Variants in INPP5D observed in about 807,000 individuals in gnomAD.
INPP5D encodes the protein inositol polyphosphate-5-phosphatase D.
Under a neutral mutation model 122.9 loss-of-function variants are expected in INPP5D, and 33 were observed. That is an observed-to-expected ratio of 0.27 (90% confidence interval 0.20 to 0.36). INPP5D has a LOEUF of 0.36. INPP5D is among the 10% of genes least tolerant of loss of function. The probability of loss-of-function intolerance (pLI) is 1.00; values close to 1 mark genes in which losing one functional copy is unlikely to be tolerated. For missense variants in INPP5D, 1,053 were observed against 1,412.7 expected, an observed-to-expected ratio of 0.75 and a Z score of 4.08; for synonymous variants, 584 against 576.2, an observed-to-expected ratio of 1.01 and a Z score of -0.19.
At chr2:233,066,838 G>A (rs1490807387) in intron 1 of INPP5D, among the ~76,000 whole-genome samples, 2 of 152,054 alleles carry the variant, frequency 1.3e-5, no homozygotes, top group African/African-American at 4.8e-5. Context: ...GAATGCAATG[G>A]TGTGTTCTTG....
At chr2:233,184,562 G>A in intron 20 of INPP5D, 41 bp downstream of exon 20, 1 of 1,609,500 alleles carries the variant, frequency 6.2e-7, no homozygotes, top group Non-Finnish European at 8.5e-7. Context: ...GAACTGCCCG[G>A]AGCCTTCTTA....
At chr2:233,143,161 A>C (rs1693664737) in intron 6 of INPP5D, among the ~76,000 whole-genome samples, 1 of 152,246 alleles carries the variant, frequency 6.6e-6, no homozygotes, top group Non-Finnish European at 1.5e-5. Context: ...AATATATTTC[A>C]GATGTGCTTG....
At chr2:233,136,543 G>A (rs1693471105) in intron 5 of INPP5D, among the ~76,000 whole-genome samples, 1 of 151,748 alleles carries the variant, frequency 6.6e-6, no homozygotes, top group Non-Finnish European at 1.5e-5. Context: ...TAAATCTCTT[G>A]AAGACATTAT....
intron 2 of INPP5D, among the ~76,000 whole-genome samples, chr2:233,083,354 T>C (rs1033587513): frequency 6.6e-6 from 1 of 152,200 alleles, no homozygotes; most frequent in Non-Finnish European, 1.5e-5. Context: ...GGGCTTCATG[T>C]CTTCAGGGAC....
intron 22 of INPP5D, among the ~76,000 whole-genome samples, chr2:233,191,275 AACTC>A (rs1266974971): frequency 2.0e-5 from 3 of 152,110 alleles, no homozygotes; most frequent in East Asian, 1.9e-4. Context: ...ATCTCTTGAG[AACTC>A]ACTCACCATC....
At chr2:233,080,446 T>C (rs1032177183) in intron 2 of INPP5D, among the ~76,000 whole-genome samples, 1 of 151,282 alleles carries the variant, frequency 6.6e-6, no homozygotes, top group Non-Finnish European at 1.5e-5. Flanking sequence ...TGTGTGTGTG[T>C]GTGTGTGTGC....
At chr2:233,124,264 A>G (rs1574746463) in intron 3 of INPP5D, among the ~76,000 whole-genome samples, 2 of 152,254 alleles carry the variant, frequency 1.3e-5, no homozygotes, top group East Asian at 3.9e-4. Flanking sequence ...AGATTTGTCC[A>G]CAGACGCTGA....
At chr2:233,119,092 T>A (rs544374443) in intron 2 of INPP5D, among the ~76,000 whole-genome samples, 1 of 152,224 alleles carries the variant, frequency 6.6e-6, no homozygotes, top group East Asian at 1.9e-4. Flanking sequence ...ATGTGTAACA[T>A]AGTCTGTGGT....
Position 233,146,438 on chromosome 2 carries a change from G to T in INPP5D, c.906G>T (p.Glu302Asp). 1.4e-6 allele frequency: 1 copy of T among 704,142 alleles called. No individual in the cohort carries two copies. The highest frequency in any genetic ancestry group is 2.6e-6 in the Non-Finnish European group (1 of 385,000). The allele number at this position is 704,142 out of a possible 1,614,324, so 43.6% of individuals were successfully genotyped here. A position where few individuals can be genotyped will look rare whatever the true frequency, so the allele number is the denominator to read the frequency against. Residue 302 changes from glutamate to aspartate, a missense_variant and splice_region_variant, in exon 8 of 27, where the codon GAG (glutamate) becomes GAT (aspartate). Glu to Asp is a conservative substitution (Grantham distance 45, BLOSUM62 2). Coordinates refer to ENST00000445964, the MANE Select transcript of INPP5D (RefSeq NM_001017915.3). ...RPSLIPPVTF[E>D]VKAESLGIPQ... is the part of the protein sequence containing the mutation. ...CCCTTATCCCTCCAGTCACCTTTGA[G>T]GTAAGTGGCCATGGGACAGCAGAGC...
intron 25 of INPP5D, 115 bp downstream of exon 25, chr2:233,198,491 C>A: frequency 7.0e-7 from 1 of 1,436,502 alleles, no homozygotes; most frequent in Non-Finnish European, 9.2e-7. Context: ...GTCCACTTGG[C>A]TCATGACTTA....
Position 233,204,562 on chromosome 2 carries a change from ACGCCGCGGCCG to A in INPP5D, c.3414_3424del (p.Pro1139AlafsTer56). 6.4e-7 allele frequency: 1 copy of A among 1,569,638 alleles called. No individual in the cohort carries two copies. The highest frequency in any genetic ancestry group is 8.6e-7 in the Non-Finnish European group (1 of 1,159,036). ...CAACCAGCAGACCCCGCCCACCCCG[ACGCCGCGGCCG>A]CCGCTGCCAGTCAAGAGCCCGGCGG... On this transcript the variant is annotated frameshift_variant, in exon 26 of 27. Transcript: ENST00000445964. LOFTEE classifies it high-confidence loss of function.
At chr2:233,137,778 A>G (rs1261290690) in intron 5 of INPP5D, among the ~76,000 whole-genome samples, 6 of 141,838 alleles carry the variant, frequency 4.2e-5, no homozygotes, top group East Asian at 2.0e-4. Flanking sequence ...AACAAAAGAA[A>G]AAGAGATACT....
rs911905811 is a variant in INPP5D at position 233,097,385 on chromosome 2, T to G, written c.198+17987T>G. On this transcript the variant is annotated intron_variant, in intron 2 of 26. Transcript: ENST00000445964. The stretch of plus-strand genomic sequence containing the variant: ...CTCTGAAAAAATCCCAGTTAGAATT[T>G]TGTGCAATTACATGTAATTAATAGG... 2.6e-5 allele frequency among the ~76,000 whole-genome samples: 4 copies of G among 152,230 alleles called. No individual in the cohort carries two copies. In the East Asian group the frequency reaches 7.7e-4, roughly 29 times the overall value.
rs981989069 is a variant in INPP5D, at chr2:233,163,672, T to C, written c.1241-35T>C. 7 of 1,612,644 alleles carry C rather than the reference T, an allele frequency of 4.3e-6. No homozygotes were observed. The Admixed American group carries it at 1.0e-4, about 23-fold the overall frequency. On this transcript the variant is annotated intron_variant, in intron 11 of 26. Transcript: ENST00000445964. ...TCCTAATGCTTTGACTCGATGTGCC[T>C]TTGACTCACTTGGTGTTGGGTTTTG...
chr2:233,133,323 G>A (rs1346979007), intron 5 of INPP5D, among the ~76,000 whole-genome samples: 1 of 152,200 alleles, frequency 6.6e-6, no homozygotes, highest in Non-Finnish European at 1.5e-5. Context: ...TTCCTTTGGA[G>A]GTGAAGGAGG....
chr2:233,102,517 C>T (rs1355931517), intron 2 of INPP5D, among the ~76,000 whole-genome samples: 1 of 152,196 alleles, frequency 6.6e-6, no homozygotes, highest in Non-Finnish European at 1.5e-5. Context: ...AGAGAAGCCA[C>T]AGCAGAGCTA....
At chr2:233,131,259 A>T in intron 5 of INPP5D, 2 of 345,176 alleles carry the variant, frequency 5.8e-6, no homozygotes, top group Non-Finnish European at 8.2e-6. Context: ...TTTAATTGTT[A>T]AAAGTGCAAA....
At chr2:233,141,291 G>C (rs1034262051) in intron 6 of INPP5D, 1 of 152,210 alleles carries the variant, frequency 6.6e-6, no homozygotes, top group Non-Finnish European at 1.5e-5. Flanking sequence ...AACAGGCCAG[G>C]CGTGGTAGTT....
chr2:233,176,440 G>A (rs1377809795), intron 17 of INPP5D, among the ~76,000 whole-genome samples: 3 of 113,768 alleles, frequency 2.6e-5, no homozygotes, highest in Non-Finnish European at 3.8e-5. Context: ...TGGATGGATG[G>A]ATGGATGGGT....
Sources: gnomAD v4.1 joint callset for allele counts (sites outside exome capture counted in the v4.1 genomes callset) on GRCh38, gnomAD v4.1.1 for gene constraint, MANE v1.5 for transcripts, NCBI Gene and HGNC (gene_info 2026-07-23, HGNC 2026-07-21) for gene names.